SLC25A21: variants seen among roughly 807,000 people sequenced by gnomAD.
SLC25A21 encodes solute carrier family 25 member 21.
Under a neutral mutation model 43.8 loss-of-function variants are expected in SLC25A21, and 47 were observed. That is an observed-to-expected ratio of 1.07 (90% confidence interval 0.85 to 1.37). The LOEUF is 1.37. Among genes scored for constraint, SLC25A21 ranks in the 40% most tolerant of loss-of-function variants. The pLI is 0.00. For synonymous variants in SLC25A21, 131 were observed against 121.3 expected, an observed-to-expected ratio of 1.08 and a Z score of -0.52; for missense variants, 352 against 350.2, an observed-to-expected ratio of 1.00 and a Z score of -0.04.
chr14:37,006,559 A>G (rs548880963), intron 1 of SLC25A21, among the ~76,000 whole-genome samples: 138 of 152,172 alleles, frequency 9.1e-4, no homozygotes, highest in Middle Eastern at 3.4e-3. Context: ...CCTTTGCTCT[A>G]CTAGCTGGGG....
intron 1 of SLC25A21, among the ~76,000 whole-genome samples, chr14:36,894,805 T>C (rs544017897): frequency 1.3e-5 from 2 of 152,312 alleles, no homozygotes; most frequent in East Asian, 1.9e-4. Flanking sequence ...AATCATGTGG[T>C]TTTTGTCATT....
intron 1 of SLC25A21, among the ~76,000 whole-genome samples, chr14:37,103,397 T>A (rs566636738): frequency 1.3e-5 from 2 of 152,278 alleles, no homozygotes; most frequent in South Asian, 4.1e-4. Flanking sequence ...TAAGCAATAT[T>A]CCAAAGCATG....
chr14:37,156,091 G>A (rs1239361900), intron 1 of SLC25A21, among the ~76,000 whole-genome samples: 4 of 151,452 alleles, frequency 2.6e-5, no homozygotes, highest in Admixed American at 6.6e-5. Flanking sequence ...CCCAGGAGGC[G>A]GAGGTTGCAG....
chr14:36,948,181 C>T (rs1477461564), intron 1 of SLC25A21, among the ~76,000 whole-genome samples: 1 of 152,146 alleles, frequency 6.6e-6, no homozygotes, highest in Non-Finnish European at 1.5e-5. Flanking sequence ...GAATTACTGC[C>T]TTATTTATGA....
At chr14:36,974,041 C>A (rs1196220188) in intron 1 of SLC25A21, among the ~76,000 whole-genome samples, 2 of 152,242 alleles carry the variant, frequency 1.3e-5, no homozygotes, top group African/African-American at 4.8e-5. Context: ...AAAAGAGCAA[C>A]ATTTTAATAA....
chr14:37,083,599 A>C (rs1012273961), intron 1 of SLC25A21, among the ~76,000 whole-genome samples: 2 of 152,152 alleles, frequency 1.3e-5, no homozygotes, highest in Non-Finnish European at 2.9e-5. Context: ...ATAACCACGA[A>C]AGCTGAAATT....
chr14:37,003,460 A>G (rs1960532099), intron 1 of SLC25A21, among the ~76,000 whole-genome samples: 2 of 152,246 alleles, frequency 1.3e-5, no homozygotes, highest in Admixed American at 6.5e-5. Context: ...AAAACTGCGG[A>G]TAAGAGGGGG....
chr14:36,698,777 G>C (rs944922641), intron 7 of SLC25A21, among the ~76,000 whole-genome samples: 9 of 152,008 alleles, frequency 5.9e-5, no homozygotes, highest in Non-Finnish European at 1.2e-4. Context: ...GGTCATTTAA[G>C]GTCTTCTCTA....
chr14:36,928,184 T>C (rs1370211713), intron 1 of SLC25A21, among the ~76,000 whole-genome samples: 2 of 152,146 alleles, frequency 1.3e-5, no homozygotes, highest in Non-Finnish European at 2.9e-5. Flanking sequence ...GTTGATATCA[T>C]TATCTTTAAA....
chr14:37,120,079 T>C (rs1330930883), intron 1 of SLC25A21, among the ~76,000 whole-genome samples: 1 of 152,154 alleles, frequency 6.6e-6, no homozygotes, highest in East Asian at 1.9e-4. Context: ...ACCACAGAAA[T>C]AAAATAATCA....
chr14:37,109,119 T>C (rs1366440131), intron 1 of SLC25A21, among the ~76,000 whole-genome samples: 1 of 152,184 alleles, frequency 6.6e-6, no homozygotes, highest in East Asian at 1.9e-4. Flanking sequence ...CTCTTAACTG[T>C]AAAGTCAGAA....
intron 2 of SLC25A21, among the ~76,000 whole-genome samples, chr14:36,866,723 G>T (rs1890223846): frequency 1.3e-5 from 2 of 152,058 alleles, no homozygotes; most frequent in Non-Finnish European, 2.9e-5. Flanking sequence ...TCTAATCCAG[G>T]GACCTCTAGC....
At chr14:37,149,462 C>T (rs1035787234) in intron 1 of SLC25A21, among the ~76,000 whole-genome samples, 2 of 151,970 alleles carry the variant, frequency 1.3e-5, no homozygotes, top group African/African-American at 4.8e-5. Context: ...AAAAAAAATC[C>T]GCTAGGGCCG....
intron 9 of SLC25A21, 48 bp downstream of exon 9, chr14:36,683,780 G>T: frequency 7.4e-7 from 1 of 1,355,754 alleles, no homozygotes; most frequent in Non-Finnish European, 1.0e-6. Flanking sequence ...AAAAAGAGAC[G>T]CTAGAACAAT....
intron 2 of SLC25A21, among the ~76,000 whole-genome samples, chr14:36,869,036 T>C (rs1384705269): frequency 6.6e-6 from 1 of 152,222 alleles, no homozygotes; most frequent in Non-Finnish European, 1.5e-5. Flanking sequence ...CCCTTCAGCC[T>C]GGGGTGGTGG....
At chr14:36,865,460 A>G (rs1890188403) in intron 2 of SLC25A21, among the ~76,000 whole-genome samples, 1 of 152,114 alleles carries the variant, frequency 6.6e-6, no homozygotes, top group Non-Finnish European at 1.5e-5. Flanking sequence ...ATATTTCCAT[A>G]TCACTCTCAA....
chr14:36,777,073 C>A lies in SLC25A21; in HGVS notation c.203+36845G>T, dbSNP rs1173349173. On this transcript the variant is annotated intron_variant, in intron 3 of 9. Transcript: ENST00000331299. ...AGGAGATTGAGACCATCCTGGCCAACATGGTGAAACCCCGTCTCTACTAAA... is the reference window on the plus strand; with the variant it reads ...AGGAGATTGAGACCATCCTGGCCAAAATGGTGAAACCCCGTCTCTACTAAA... 5.3e-5 allele frequency among the ~76,000 whole-genome samples: 8 copies of A among 152,146 alleles called. No homozygotes were observed. The East Asian group carries it at 1.5e-3, about 29-fold the overall frequency.
intron 1 of SLC25A21, among the ~76,000 whole-genome samples, chr14:37,109,307 C>T (rs1962976168): frequency 6.6e-6 from 1 of 151,116 alleles, no homozygotes; most frequent in African/African-American, 2.4e-5. Flanking sequence ...TAACAACTAA[C>T]CCTGCTTCAT....
At chr14:36,689,064 G>A (rs1037080107) in intron 7 of SLC25A21, among the ~76,000 whole-genome samples, 2 of 152,184 alleles carry the variant, frequency 1.3e-5, no homozygotes, top group African/African-American at 2.4e-5. Flanking sequence ...CTGAGATTGG[G>A]CAATTTACAA....
Sources: allele counts gnomAD v4.1 joint callset (sites outside exome capture counted in the v4.1 genomes callset), GRCh38; gene constraint gnomAD v4.1.1; transcripts MANE v1.5; gene names NCBI Gene and HGNC (gene_info 2026-07-23, HGNC 2026-07-21).